SNCAIP: variants seen among roughly 807,000 people sequenced by gnomAD.
The protein encoded by SNCAIP is synphilin-1.
Under a neutral mutation model 86.7 loss-of-function variants are expected in SNCAIP, and 43 were observed. The observed-to-expected ratio is 0.50, with a 90% CI of 0.39 to 0.64. The LOEUF (loss-of-function observed/expected upper bound fraction) is 0.64. Among genes scored for constraint, SNCAIP ranks in the 30% least tolerant of loss-of-function variants. SNCAIP has a pLI of 0.00. For synonymous variants in SNCAIP, 417 were observed against 427.2 expected, an observed-to-expected ratio of 0.98 and a Z score of 0.29; for missense variants, 981 against 1,103.1, an observed-to-expected ratio of 0.89 and a Z score of 1.57.
intron 1 of SNCAIP, among the ~76,000 whole-genome samples, chr5:122,377,539 C>G (rs1196751669): frequency 1.4e-5 from 2 of 147,272 alleles, no homozygotes; most frequent in East Asian, 4.1e-4. Context: ...AAAGAGAGAT[C>G]AGATATTTTT....
At chr5:122,401,230 T>C in intron 2 of SNCAIP, 1 of 1,122,978 alleles carries the variant, frequency 8.9e-7, no homozygotes, top group African/African-American at 1.6e-5. Context: ...GGTAGCACAA[T>C]GCATACTTGT....
intron 1 of SNCAIP, among the ~76,000 whole-genome samples, chr5:122,323,553 T>C (rs751074231): frequency 1.3e-5 from 2 of 152,216 alleles, no homozygotes; most frequent in Non-Finnish European, 2.9e-5. Flanking sequence ...GAAGCACAGG[T>C]GTGTGCACCT....
chr5:122,377,510 GAGAGAGAGAGAA>G (rs1427241855), intron 1 of SNCAIP, among the ~76,000 whole-genome samples: 6 of 151,926 alleles, frequency 3.9e-5, no homozygotes, highest in Non-Finnish European at 8.8e-5. Flanking sequence ...GAGAGAGAGA[GAGAGAGAGAGAA>G]AGAAAGAAAG....
intron 1 of SNCAIP, among the ~76,000 whole-genome samples, chr5:122,367,949 T>G (rs572798175): frequency 3.9e-5 from 6 of 152,264 alleles, no homozygotes; most frequent in Admixed American, 3.3e-4. Flanking sequence ...TATTTTATGG[T>G]CTCTGAGAAA....
At chr5:122,400,876 C>A in intron 2 of SNCAIP, 1 of 1,112,190 alleles carries the variant, frequency 9.0e-7, no homozygotes, top group Non-Finnish European at 1.2e-6. Context: ...AGTCTATGTT[C>A]ACTGGGAATA....
At chr5:122,400,520 A>T (rs958899201) in intron 2 of SNCAIP, among the ~76,000 whole-genome samples, 1 of 152,232 alleles carries the variant, frequency 6.6e-6, no homozygotes, top group African/African-American at 2.4e-5. Flanking sequence ...TCAAGTGCTT[A>T]TGGAAGCCAA....
intron 1 of SNCAIP, among the ~76,000 whole-genome samples, chr5:122,327,867 C>T (rs1754426987): frequency 6.6e-6 from 1 of 152,086 alleles, no homozygotes; most frequent in African/African-American, 2.4e-5. Context: ...GTGCCAAGTG[C>T]TATAGTCAGA....
At chr5:122,326,311 C>T (rs1236535301) in intron 1 of SNCAIP, among the ~76,000 whole-genome samples, 1 of 152,126 alleles carries the variant, frequency 6.6e-6, no homozygotes, top group Non-Finnish European at 1.5e-5. Context: ...TCTTAGAGCT[C>T]TCATTCATAA....
intron 1 of SNCAIP, among the ~76,000 whole-genome samples, chr5:122,365,404 C>T (rs1372689584): frequency 1.3e-5 from 2 of 152,246 alleles, no homozygotes; most frequent in African/African-American, 2.4e-5. Flanking sequence ...TCTGGCCAGG[C>T]GTGGTGGCTC....
At chr5:122,425,636 T>C (rs781475896) in intron 5 of SNCAIP, 105 bp downstream of exon 5, 27 of 937,372 alleles carry the variant, frequency 2.9e-5, no homozygotes, top group Admixed American at 9.7e-5. Context: ...GAGTGATTTG[T>C]CAAGCAAAGA....
At position 122,347,396 on chromosome 5, in the gene SNCAIP, C is replaced by CT. The variant is rs72100282; in HGVS notation, c.-47+35128dup. ...AGTGCTTTAGGGAGTGATTTCTTTCCTTTTTTTTTTTTTTTTCTTCTCTTG... is the reference window on the plus strand; with the variant it reads ...AGTGCTTTAGGGAGTGATTTCTTTCCTTTTTTTTTTTTTTTTTCTTCTCTTG... On this transcript the variant is annotated intron_variant, in intron 1 of 10. Transcript: ENST00000261368. Among the ~76,000 whole-genome samples, 265 of 139,564 alleles carry CT rather than the reference C, an allele frequency of 1.9e-3. 1 individual carries two copies. Among genetic ancestry groups the CT allele is most frequent in the Middle Eastern group, 3.7e-3 (1 of 272 alleles). 91.6% of individuals were successfully genotyped at this position (139,564 alleles called of 152,430 possible).
At chr5:122,394,624 G>T (rs1028913373) in intron 2 of SNCAIP, among the ~76,000 whole-genome samples, 1 of 152,178 alleles carries the variant, frequency 6.6e-6, no homozygotes, top group African/African-American at 2.4e-5. Context: ...TCCTATGGAA[G>T]CCAGATCCCT....
intron 1 of SNCAIP, among the ~76,000 whole-genome samples, chr5:122,377,742 A>C (rs1206724085): frequency 1.6e-5 from 2 of 127,432 alleles, no homozygotes; most frequent in Non-Finnish European, 3.1e-5. Context: ...TCCTGTGCCC[A>C]TGTGATCTCA....
intron 3 of SNCAIP, among the ~76,000 whole-genome samples, chr5:122,422,434 G>C (rs1037228389): frequency 6.6e-6 from 1 of 152,144 alleles, no homozygotes; most frequent in Non-Finnish European, 1.5e-5. Context: ...GGACATGCAC[G>C]CTAATGTGTG....
intron 1 of SNCAIP, among the ~76,000 whole-genome samples, chr5:122,313,955 G>A (rs1751195812): frequency 6.6e-6 from 1 of 152,190 alleles, no homozygotes; most frequent in South Asian, 2.1e-4. Flanking sequence ...AATTTTGAAT[G>A]TAAATTTCAT....
At chr5:122,427,688 C>T (rs762741099) in intron 5 of SNCAIP, among the ~76,000 whole-genome samples, 3 of 152,104 alleles carry the variant, frequency 2.0e-5, no homozygotes, top group Non-Finnish European at 4.4e-5. Context: ...CACCAGTAAC[C>T]AACTAGTGGT....
At chr5:122,444,842 T>G (rs1024367841) in intron 8 of SNCAIP, 110 bp downstream of exon 8, 10 of 920,816 alleles carry the variant, frequency 1.1e-5, no homozygotes, top group African/African-American at 1.6e-5. Context: ...TACAGGGAAT[T>G]CCTAGCATTC....
At chr5:122,381,486 T>C (rs1246135898) in intron 1 of SNCAIP, among the ~76,000 whole-genome samples, 35 of 149,224 alleles carry the variant, frequency 2.3e-4, no homozygotes, top group Non-Finnish European at 3.9e-4. Flanking sequence ...GGGTCTTGAC[T>C]CTTTATCCAA....
chr5:122,458,159 C>T (rs1032690763), intron 10 of SNCAIP, among the ~76,000 whole-genome samples: 5 of 152,198 alleles, frequency 3.3e-5, no homozygotes, highest in Admixed American at 6.5e-5. Context: ...CTCGTACTCT[C>T]TTAAATCACT....
Sources: allele counts gnomAD v4.1 joint callset (sites outside exome capture counted in the v4.1 genomes callset), GRCh38; gene constraint gnomAD v4.1.1; transcripts MANE v1.5; gene names NCBI Gene and HGNC (gene_info 2026-07-23, HGNC 2026-07-21).